Variants in SAXO1 observed in about 807,000 individuals in gnomAD.
SAXO1 encodes the protein stabilizer of axonemal microtubules 1.
In SAXO1, 21 loss-of-function variants were observed where a neutral mutation model predicts 17.5. That is an observed-to-expected ratio of 1.20 (90% CI 0.85 to 1.72). The LOEUF (loss-of-function observed/expected upper bound fraction) is 1.72, where lower values mean the gene tolerates loss of function less well. Ranked by LOEUF, SAXO1 falls within the 40% of genes most tolerant of loss-of-function variation. SAXO1 has a pLI of 0.00. For missense variants in SAXO1, 843 were observed against 596.0 expected (o/e 1.41, Z -4.32); for synonymous variants, 274 against 216.5 (o/e 1.27, Z -2.33).
intron 1 of SAXO1, among the ~76,000 whole-genome samples, chr9:18,966,106 G>T (rs1254668751): frequency 6.6e-6 from 1 of 152,224 alleles, no homozygotes; most frequent in African/African-American, 2.4e-5. Context: ...TTTCTGCAGA[G>T]ATCTGCTGTT....
intron 1 of SAXO1, among the ~76,000 whole-genome samples, chr9:18,993,454 G>C (rs1197043480): frequency 6.6e-6 from 1 of 152,190 alleles, no homozygotes; most frequent in Non-Finnish European, 1.5e-5. Flanking sequence ...CTCAGCCTCT[G>C]CCTTCAGTCA....
chr9:18,997,543 G>A (rs1038917527), intron 1 of SAXO1, among the ~76,000 whole-genome samples: 1 of 152,262 alleles, frequency 6.6e-6, no homozygotes, highest in African/African-American at 2.4e-5. Context: ...GGGCATATCT[G>A]AACAAAAGGA....
chr9:18,944,909 A>C (rs760803739), intron 2 of SAXO1, among the ~76,000 whole-genome samples: 7 of 152,212 alleles, frequency 4.6e-5, no homozygotes, highest in Non-Finnish European at 8.8e-5. Flanking sequence ...AGTGTGTCCA[A>C]GTAATCAATT....
intron 1 of SAXO1, among the ~76,000 whole-genome samples, chr9:18,953,401 T>C (rs1832118090): frequency 6.6e-6 from 1 of 152,224 alleles, no homozygotes; most frequent in African/African-American, 2.4e-5. Flanking sequence ...TACTGCAATA[T>C]GATTGGCATC....
At chr9:18,954,370 T>C (rs1832162466) in intron 1 of SAXO1, among the ~76,000 whole-genome samples, 1 of 151,802 alleles carries the variant, frequency 6.6e-6, no homozygotes, top group African/African-American at 2.4e-5. Context: ...AAGGTTTCAC[T>C]CTGTCATCCA....
chr9:19,028,281 C>G (rs1305311971), intron 1 of SAXO1, among the ~76,000 whole-genome samples: 1 of 152,124 alleles, frequency 6.6e-6, no homozygotes, highest in Non-Finnish European at 1.5e-5. Context: ...GAGGCTGAGG[C>G]AGGAGAATCG....
Position 18,958,418 on chromosome 9 carries a change from C to A in SAXO1, c.39-7481G>T, listed in dbSNP as rs139914863. 3.9e-4 allele frequency among the ~76,000 whole-genome samples: 60 copies of A among 152,144 alleles called. No homozygotes were observed. In the East Asian group the frequency reaches 0.011, roughly 27 times the overall value. ...CTGCCTGGGCAACAGAGGGAGACTC[C>A]GTCTGAGAAAATAAATAAGTAAACC... On this transcript the variant is annotated intron_variant, in intron 1 of 3. Transcript: ENST00000380534.
intron 1 of SAXO1, among the ~76,000 whole-genome samples, chr9:19,015,070 G>C (rs1040543844): frequency 1.8e-4 from 27 of 152,134 alleles, no homozygotes; most frequent in African/African-American, 5.3e-4. Context: ...TTAAGTGCTG[G>C]TGTCACGTGT....
chr9:18,947,679 T>G (rs1286892550), intron 2 of SAXO1: 1 of 152,176 alleles, frequency 6.6e-6, no homozygotes, highest in Non-Finnish European at 1.5e-5. Flanking sequence ...TGCAAACCTC[T>G]TATTCATAAA....
chr9:18,957,851 G>A (rs1478176873), intron 1 of SAXO1, among the ~76,000 whole-genome samples: 1 of 152,118 alleles, frequency 6.6e-6, no homozygotes, highest in African/African-American at 2.4e-5. Context: ...GTGCATTTGT[G>A]TTTACCTGCA....
At chr9:18,980,552 A>G (rs1043660046) in intron 1 of SAXO1, among the ~76,000 whole-genome samples, 1 of 131,512 alleles carries the variant, frequency 7.6e-6, no homozygotes, top group Non-Finnish European at 1.6e-5. Context: ...GAGGGAGGGA[A>G]GAGGAAGAAG....
At chr9:18,974,891 C>G (rs1265366777) in intron 1 of SAXO1, among the ~76,000 whole-genome samples, 2 of 152,086 alleles carry the variant, frequency 1.3e-5, no homozygotes, top group Admixed American at 6.5e-5. Context: ...GTTTTGATAA[C>G]AAACAGGATA....
In SAXO1 at chr9:18,928,233, T is replaced by C. The variant is rs1443899992; in HGVS notation, c.1244A>G (p.Lys415Arg). 1 of 1,614,102 alleles carries C rather than the reference T, an allele frequency of 6.2e-7. No homozygotes were observed. Among genetic ancestry groups the C allele is most frequent in the South Asian group, 1.1e-5 (1 of 91,070 alleles). ...TGAAGCTAGGCACCTGCCCATTTCC[T>C]TGGGAGTAAAGCTGATGGTGTAGGT... Reference protein sequence around the residue: ...QTTYTISFTPKEMGRCLASYP... With the variant: ...QTTYTISFTPREMGRCLASYP... Residue 415 changes from lysine (K) to arginine (R), a missense_variant, in exon 4 of 4, where the codon AAG becomes AGG. Coordinates refer to ENST00000380534, the MANE Select transcript of SAXO1 (RefSeq NM_153707.4).
chr9:19,030,885 A>C (rs7851336), intron 1 of SAXO1, among the ~76,000 whole-genome samples: 43,663 of 152,004 alleles, frequency 0.29, 7,105 homozygotes, highest in African/African-American at 0.45. Context: ...GGATCACCAA[A>C]GCACTTTGAG....
In SAXO1 at chr9:18,927,925, G is replaced by T; in HGVS notation, c.*127C>A. 2.0e-6 allele frequency: 2 copies of T among 1,009,528 alleles called. No homozygotes were observed. The highest frequency in any genetic ancestry group is 5.1e-5 in the Admixed American group (2 of 39,280). The allele number at this position is 1,009,528 out of a possible 1,614,324, so 62.5% of individuals were successfully genotyped here. ...ATTCTCATTTTATTCAAGTGCTCTG[G>T]AAGTGGTGAAGGTTTTTTGTTTTTT... On this transcript the variant is annotated 3_prime_UTR_variant, in exon 4 of 4. Transcript: ENST00000380534.
intron 1 of SAXO1, among the ~76,000 whole-genome samples, chr9:18,953,697 C>G (rs1832130838): frequency 6.6e-6 from 1 of 152,166 alleles, no homozygotes; most frequent in Admixed American, 6.5e-5. Flanking sequence ...ACCCAACCCT[C>G]ATTAACCAGG....
At chr9:18,953,685 C>T (rs748480615) in intron 1 of SAXO1, among the ~76,000 whole-genome samples, 20 of 152,186 alleles carry the variant, frequency 1.3e-4, no homozygotes, top group Non-Finnish European at 2.5e-4. Flanking sequence ...CATTGGTGAT[C>T]AACCCAACCC....
chr9:18,964,166 G>A (rs1413300861), intron 1 of SAXO1, among the ~76,000 whole-genome samples: 2 of 152,108 alleles, frequency 1.3e-5, no homozygotes, highest in African/African-American at 2.4e-5. Flanking sequence ...TGCTCGATTC[G>A]GTTTGCCAGT....
At position 18,966,767 on chromosome 9, in the gene SAXO1, T is replaced by C. The variant is rs533542361; in HGVS notation, c.39-15830A>G. ...GTCAATTCGTCAAACTCATTCTCTGTCTAGTTTTGTTCCTTTACTGGTGAG... is the reference window on the plus strand; with the variant it reads ...GTCAATTCGTCAAACTCATTCTCTGCCTAGTTTTGTTCCTTTACTGGTGAG... On this transcript the variant is annotated intron_variant, in intron 1 of 3. Transcript: ENST00000380534. Among the ~76,000 whole-genome samples the C allele has an allele frequency of 8.5e-5, 13 of 152,296 alleles. No individual in the cohort carries two copies. In the South Asian group the frequency reaches 2.5e-3, roughly 29 times the overall value.
Sources: gnomAD v4.1 joint callset for allele counts (sites outside exome capture counted in the v4.1 genomes callset) on GRCh38, gnomAD v4.1.1 for gene constraint, MANE v1.5 for transcripts, NCBI Gene and HGNC (gene_info 2026-07-23, HGNC 2026-07-21) for gene names.